The following RBFOX1 variants were observed in gnomAD, a reference collection of about 807,000 sequenced individuals.
RBFOX1 encodes the protein RNA binding protein fox-1 homolog 1.
Under a neutral mutation model 57.7 loss-of-function variants are expected in RBFOX1, and 8 were observed. The observed-to-expected ratio is 0.14, with a 90% confidence interval of 0.08 to 0.25. The LOEUF (loss-of-function observed/expected upper bound fraction) is 0.25, where lower values mean the gene tolerates loss of function less well. Among genes scored for constraint, RBFOX1 ranks in the 10% least tolerant of loss-of-function variants. The pLI is 1.00. For missense variants in RBFOX1, 611 were observed against 548.5 expected (o/e 1.11, Z -1.14); for synonymous variants, 326 against 222.4 (o/e 1.47, Z -4.15).
chr16:5,589,630 G>A (rs976451318), intron 2 of RBFOX1, among the ~76,000 whole-genome samples: 2 of 152,188 alleles, frequency 1.3e-5, no homozygotes, highest in African/African-American at 4.8e-5. Context: ...GCTAGTCCTA[G>A]GCCAGTTCTC....
At chr16:6,497,580 G>A (rs1354249297) in intron 2 of RBFOX1, among the ~76,000 whole-genome samples, 1 of 150,062 alleles carries the variant, frequency 6.7e-6, no homozygotes, top group Non-Finnish European at 1.5e-5. Flanking sequence ...AAAAAAAACA[G>A]AGTTTTGCTC....
At chr16:7,485,232 G>A (rs548112635) in intron 4 of RBFOX1, among the ~76,000 whole-genome samples, 1 of 152,104 alleles carries the variant, frequency 6.6e-6, no homozygotes, top group African/African-American at 2.4e-5. Context: ...GACTAGTTCT[G>A]TTTATGCATG....
chr16:6,654,135 A>G (rs890765440), intron 2 of RBFOX1, among the ~76,000 whole-genome samples: 7 of 151,774 alleles, frequency 4.6e-5, no homozygotes, highest in Admixed American at 6.6e-5. Flanking sequence ...TAGAGGACCA[A>G]TGAATGAATG....
chr16:5,665,130 A>ATG (rs2049792136), intron 3 of RBFOX1, among the ~76,000 whole-genome samples: 1 of 74,988 alleles, frequency 1.3e-5, no homozygotes, highest in South Asian at 5.9e-4. Flanking sequence ...ATATTTTTAC[A>ATG]TGGGGGGGGG....
At chr16:7,572,797 C>G (rs1483249038) in intron 5 of RBFOX1, among the ~76,000 whole-genome samples, 3 of 150,514 alleles carry the variant, frequency 2.0e-5, no homozygotes, top group African/African-American at 7.3e-5. Flanking sequence ...CAAGATGGAG[C>G]CACTGCACTC....
At position 6,262,318 on chromosome 16, in the gene RBFOX1, T is replaced by A. The variant is rs558663264; in HGVS notation, c.-126-54677T>A. Among the ~76,000 whole-genome samples the A allele has an allele frequency of 1.1e-4, 17 of 152,244 alleles. No individual in the cohort carries two copies. The South Asian group carries it at 3.3e-3, about 30-fold the overall frequency. ...ATGTACCAATTTCACTTACATTTCA[T>A]TATCCCGAAATTAGTCACATGGGTA... On this transcript the variant is annotated intron_variant, in intron 1 of 15. Transcript: ENST00000550418.
intron 4 of RBFOX1, among the ~76,000 whole-genome samples, chr16:7,145,691 A>T (rs2074815858): frequency 6.6e-6 from 1 of 152,094 alleles, no homozygotes; most frequent in Non-Finnish European, 1.5e-5. Context: ...GATACTGATA[A>T]GGGTCTTGAA....
intron 3 of RBFOX1, among the ~76,000 whole-genome samples, chr16:6,828,310 G>A (rs954584598): frequency 6.6e-6 from 1 of 152,040 alleles, no homozygotes; most frequent in African/African-American, 2.4e-5. Flanking sequence ...TGGGTCACAA[G>A]GTGAAGAGAT....
At chr16:5,279,318 C>G (rs2063215015) in intron 1 of RBFOX1, among the ~76,000 whole-genome samples, 1 of 151,162 alleles carries the variant, frequency 6.6e-6, no homozygotes, top group African/African-American at 2.4e-5. Flanking sequence ...TTTTTGTTTT[C>G]CCATCCTTGG....
chr16:7,373,256 A>G (rs1246165877), intron 4 of RBFOX1, among the ~76,000 whole-genome samples: 2 of 152,148 alleles, frequency 1.3e-5, no homozygotes, highest in Non-Finnish European at 2.9e-5. Context: ...TTTTAATTCT[A>G]AAACAACAAT....
intron 3 of RBFOX1, among the ~76,000 whole-genome samples, chr16:6,913,657 C>G (rs1202220955): frequency 2.0e-5 from 3 of 152,184 alleles, no homozygotes; most frequent in Admixed American, 2.0e-4. Flanking sequence ...GCAAGTTGGT[C>G]TCCTAGAAGC....
Position 5,887,228 on chromosome 16 carries a change from A to C in RBFOX1, c.351+19893A>C, listed in dbSNP as rs77250979. The stretch of plus-strand genomic sequence containing the variant: ...ATTCAGGGATTCACTGTTTTCAGGA[A>C]TCCCCCATGCATGGCAGCACAGTCA... On this transcript the variant is annotated intron_variant, in intron 4 of 19. Transcript: ENST00000641259. 8.1e-3 allele frequency among the ~76,000 whole-genome samples: 1,227 copies of C among 152,272 alleles called. 16 individuals carry two copies. The highest frequency in any genetic ancestry group is 0.028 in the African/African-American group (1,183 of 41,556).
At chr16:6,135,118 A>G (rs1332632883) in intron 1 of RBFOX1, among the ~76,000 whole-genome samples, 1 of 152,030 alleles carries the variant, frequency 6.6e-6, no homozygotes, top group Non-Finnish European at 1.5e-5. Context: ...TCCTTGCGAT[A>G]GTTTGCTGAG....
chr16:6,019,198 G>C lies in RBFOX1; in HGVS notation c.-921G>C, dbSNP rs1471830593. ...GAAGATTTCCTCTTTATTCTCTCCC[G>C]CCCTCCTACAAGCGCTCTTGCTGGC... On this transcript the variant is annotated 5_prime_UTR_variant, in exon 1 of 16. Transcript: ENST00000550418. The surrounding 1 kb of genome is among the most constrained non-coding windows in gnomAD (Gnocchi z 4.2). 2 of 984,784 alleles carry C rather than the reference G, an allele frequency of 2.0e-6. No homozygotes were observed. The highest frequency in any genetic ancestry group is 3.5e-5 in the African/African-American group (2 of 57,026). 61.0% of individuals were successfully genotyped at this position (984,784 alleles called of 1,614,324 possible). A position where few individuals can be genotyped will look rare whatever the true frequency, so the allele number is the denominator to read the frequency against.
chr16:6,045,372 C>G (rs557824688), intron 1 of RBFOX1, among the ~76,000 whole-genome samples: 1 of 152,028 alleles, frequency 6.6e-6, no homozygotes, highest in Non-Finnish European at 1.5e-5. Flanking sequence ...TGAGAGTTCT[C>G]TAGGAAGTAG....
intron 4 of RBFOX1, among the ~76,000 whole-genome samples, chr16:7,378,449 A>C (rs1289362343): frequency 1.3e-5 from 2 of 152,120 alleles, no homozygotes; most frequent in African/African-American, 4.8e-5. Context: ...TTCATCGCAG[A>C]ACTGCTGTCT....
chr16:6,630,217 C>G (rs541109142), intron 2 of RBFOX1, among the ~76,000 whole-genome samples: 1 of 152,142 alleles, frequency 6.6e-6, no homozygotes, highest in Non-Finnish European at 1.5e-5. Flanking sequence ...CTGTCTGTGA[C>G]AGAGAGGGAT....
intron 3 of RBFOX1, among the ~76,000 whole-genome samples, chr16:6,666,632 C>G (rs997903796): frequency 1.3e-5 from 2 of 151,776 alleles, no homozygotes; most frequent in South Asian, 4.2e-4. Context: ...CTTTGTTTGA[C>G]TCTTAACCTC....
In RBFOX1 at chr16:7,705,098, C is replaced by G. The variant is rs139942517; in HGVS notation, c.996-3958C>G. The stretch of plus-strand genomic sequence containing the variant: ...GCCAGAGAAAGAAGCATCTCTTCAT[C>G]TCTCTAGGGAAGGGACATTTGATTT... On this transcript the variant is annotated intron_variant, in intron 14 of 15. Transcript: ENST00000550418. Among the ~76,000 whole-genome samples, 418 of 150,256 alleles carry G rather than the reference C, an allele frequency of 2.8e-3. 2 individuals are homozygous for G. Among genetic ancestry groups the G allele is most frequent in the African/African-American group, 9.6e-3 (393 of 40,954 alleles).
Sources: allele counts gnomAD v4.1 joint callset (sites outside exome capture counted in the v4.1 genomes callset), GRCh38; gene constraint gnomAD v4.1.1; non-coding constraint Gnocchi (gnomAD v3.1); transcripts MANE v1.5; gene names NCBI Gene and HGNC (gene_info 2026-07-23, HGNC 2026-07-21).